UNC13C: variants seen among roughly 807,000 people sequenced by gnomAD.
UNC13C encodes protein unc-13 homolog C.
In UNC13C, 174 loss-of-function variants were observed where a neutral mutation model predicts 245.4. The ratio of observed to expected loss-of-function variants is 0.71; its 90% confidence interval spans 0.63 to 0.80. The LOEUF (loss-of-function observed/expected upper bound fraction) is 0.80. UNC13C is among the 30% of genes least tolerant of loss of function. The pLI, the probability that UNC13C is intolerant of heterozygous loss-of-function variation, is 0.00. For synonymous variants in UNC13C, 992 were observed against 895.1 expected (o/e 1.11, Z -1.93); for missense variants, 2,829 against 2,602.9 (o/e 1.09, Z -1.89).
chr15:54,460,835 G>T (rs1174980753), intron 19 of UNC13C, among the ~76,000 whole-genome samples: 1 of 152,184 alleles, frequency 6.6e-6, no homozygotes, highest in Admixed American at 6.5e-5. Flanking sequence ...AGTGGGAGCT[G>T]CACGTTAGTC....
intron 16 of UNC13C, among the ~76,000 whole-genome samples, chr15:54,337,164 G>T (rs528569216): frequency 6.6e-6 from 1 of 152,070 alleles, no homozygotes; most frequent in Non-Finnish European, 1.5e-5. Flanking sequence ...AGGGTGGGGG[G>T]TACTCTCTAC....
chr15:54,243,018 G>A (rs1280789372), intron 7 of UNC13C, among the ~76,000 whole-genome samples: 1 of 152,074 alleles, frequency 6.6e-6, no homozygotes, highest in East Asian at 1.9e-4. Flanking sequence ...TACATGTGCA[G>A]GATGTGCTTG....
At chr15:54,067,576 CA>C (rs1898131875) in intron 2 of UNC13C, among the ~76,000 whole-genome samples, 1 of 152,050 alleles carries the variant, frequency 6.6e-6, no homozygotes, top group Admixed American at 6.6e-5. Context: ...ACTGTATGGA[CA>C]AAATAGAAGC....
At chr15:53,903,470 C>T in the UNC13C span, among the ~76,000 whole-genome samples, 6 of 152,338 alleles carry the variant, frequency 3.9e-5, no homozygotes, top group East Asian at 1.2e-3. Flanking sequence ...CAAATCCAAT[C>T]AAAGCCCTCT....
At chr15:54,217,726 A>G (rs188966233) in intron 4 of UNC13C, among the ~76,000 whole-genome samples, 83 of 152,048 alleles carry the variant, frequency 5.5e-4, no homozygotes, top group Admixed American at 4.9e-3. Flanking sequence ...TTTCCGCAGT[A>G]GATAGATTCA....
intron 1 of UNC13C, among the ~76,000 whole-genome samples, chr15:53,984,320 T>A (rs1313149569): frequency 1.3e-5 from 2 of 152,146 alleles, no homozygotes; most frequent in Non-Finnish European, 2.9e-5. Context: ...TACTGACATT[T>A]TATACAATTC....
At chr15:54,170,090 A>C (rs78983107) in intron 4 of UNC13C, among the ~76,000 whole-genome samples, 8,585 of 151,630 alleles carry the variant, frequency 0.057, 295 homozygotes, top group East Asian at 0.1. Context: ...TTAAACATTG[A>C]ATGCTATCAA....
At chr15:53,907,054 C>A in the UNC13C span, among the ~76,000 whole-genome samples, 1 of 152,108 alleles carries the variant, frequency 6.6e-6, no homozygotes, top group Non-Finnish European at 1.5e-5. Flanking sequence ...GGTGGGGACA[C>A]AGATCCAAAC....
chr15:54,016,833 G>A (rs1895681750), intron 2 of UNC13C, among the ~76,000 whole-genome samples: 1 of 152,016 alleles, frequency 6.6e-6, no homozygotes. Context: ...TTATTATTAT[G>A]TTCCCTGATC....
intron 19 of UNC13C, among the ~76,000 whole-genome samples, chr15:54,457,280 T>A (rs1463390137): frequency 4.6e-5 from 7 of 152,174 alleles, no homozygotes; most frequent in Admixed American, 1.3e-4. Flanking sequence ...TTCAGATAGC[T>A]AGTATTTTGT....
chr15:54,237,968 T>G (rs1323868064), intron 7 of UNC13C, among the ~76,000 whole-genome samples: 1 of 152,168 alleles, frequency 6.6e-6, no homozygotes, highest in Admixed American at 6.5e-5. Context: ...TCCTACTGAT[T>G]TTTTACATAG....
chr15:53,881,295 G>C, the UNC13C span, among the ~76,000 whole-genome samples: 27 of 152,296 alleles, frequency 1.8e-4, no homozygotes, highest in African/African-American at 6.3e-4. Context: ...CGTGGTTATG[G>C]AGTGTTAGAG....
At chr15:54,458,299 C>A (rs1161877652) in intron 19 of UNC13C, among the ~76,000 whole-genome samples, 2 of 151,990 alleles carry the variant, frequency 1.3e-5, no homozygotes, top group African/African-American at 4.8e-5. Flanking sequence ...TGTTTTGTGG[C>A]CTATCATATG....
the UNC13C span, among the ~76,000 whole-genome samples, chr15:53,961,598 C>T: frequency 7.2e-5 from 11 of 152,204 alleles, no homozygotes; most frequent in South Asian, 2.3e-3. Flanking sequence ...CTCTCTAAGC[C>T]TTCATCTCCC....
intron 2 of UNC13C, among the ~76,000 whole-genome samples, chr15:54,137,079 A>G (rs1172769908): frequency 6.6e-6 from 1 of 152,130 alleles, no homozygotes; most frequent in East Asian, 1.9e-4. Flanking sequence ...CCTGGGCCGT[A>G]GTGATCTGCC....
At chr15:54,256,079 C>T (rs1172446584) in intron 8 of UNC13C, among the ~76,000 whole-genome samples, 1 of 152,176 alleles carries the variant, frequency 6.6e-6, no homozygotes, top group Non-Finnish European at 1.5e-5. Flanking sequence ...AATCTGACTT[C>T]CAGTCTTATT....
chr15:54,577,357 C>T (rs1223439903), intron 30 of UNC13C, among the ~76,000 whole-genome samples: 1 of 152,168 alleles, frequency 6.6e-6, no homozygotes, highest in African/African-American at 2.4e-5. Flanking sequence ...GTTTTAGGAG[C>T]ATTTGTCATA....
intron 17 of UNC13C, among the ~76,000 whole-genome samples, chr15:54,351,109 C>T (rs1053161064): frequency 1.3e-5 from 2 of 152,118 alleles, no homozygotes; most frequent in African/African-American, 2.4e-5. Context: ...AGTCAAATTA[C>T]TCCAAGCTCC....
the UNC13C span, among the ~76,000 whole-genome samples, chr15:53,951,623 A>G: frequency 6.6e-6 from 1 of 152,228 alleles, no homozygotes; most frequent in Admixed American, 6.5e-5. Flanking sequence ...AGGCTAAGCA[A>G]CTTGCTTAAT....
Sources: allele counts gnomAD v4.1 joint callset (sites outside exome capture counted in the v4.1 genomes callset), GRCh38; gene constraint gnomAD v4.1.1; transcripts MANE v1.5; gene names NCBI Gene and HGNC (gene_info 2026-07-23, HGNC 2026-07-21).